The following RHEX variants were observed in gnomAD, a reference collection of about 807,000 sequenced individuals.
RHEX encodes regulator of hemoglobinization and erythroid cell expansion, also known as regulator of hemoglobinization and erythroid cell expansion protein.
RHEX carries 18 observed loss-of-function variants against 20.1 expected under a neutral mutation model. The observed-to-expected ratio is 0.90, with a 90% CI of 0.62 to 1.33. The LOEUF (loss-of-function observed/expected upper bound fraction) is 1.33, where lower values mean the gene tolerates loss of function less well. RHEX is among the 40% of genes most tolerant of loss of function. The probability of loss-of-function intolerance (pLI) is 0.00; values close to 1 mark genes in which losing one functional copy is unlikely to be tolerated. For missense variants in RHEX, 192 were observed against 214.3 expected (o/e 0.90, Z 0.65); for synonymous variants, 87 against 77.1 (o/e 1.13, Z -0.67).
In RHEX at chr1:206,082,011, A is replaced by C. The variant is rs184952212; in HGVS notation, c.-96-15722A>C. 1.6e-3 allele frequency among the ~76,000 whole-genome samples: 249 copies of C among 152,334 alleles called. 1 individual carries two copies. The highest frequency in any genetic ancestry group is 5.9e-3 in the African/African-American group (244 of 41,582). ...CCTAGAGCAGGTGGAGAGCCCAGTT[A>C]GGAAATCACTCCACATGGCTCCCAG... On this transcript the variant is annotated intron_variant, in intron 1 of 5. Coordinates refer to ENST00000331555, the MANE Select transcript of RHEX (RefSeq NM_001007544.4).
chr1:206,085,522 T>G (rs1174027738), intron 1 of RHEX, among the ~76,000 whole-genome samples: 1 of 152,242 alleles, frequency 6.6e-6, no homozygotes, highest in Admixed American at 6.5e-5. Flanking sequence ...TGATTTAGTC[T>G]TGGAACTAAG....
intron 1 of RHEX, among the ~76,000 whole-genome samples, chr1:206,064,420 C>T (rs1367790726): frequency 8.5e-6 from 1 of 118,324 alleles, no homozygotes; most frequent in Non-Finnish European, 1.7e-5. Flanking sequence ...GGCCAGCCGC[C>T]CCGTCCGGGA....
chr1:206,071,522 A>C (rs1662527741), intron 1 of RHEX, among the ~76,000 whole-genome samples: 1 of 150,260 alleles, frequency 6.7e-6, no homozygotes, highest in Non-Finnish European at 1.5e-5. Context: ...ATATTCTGTA[A>C]ACTATAAGAT....
intron 1 of RHEX, among the ~76,000 whole-genome samples, chr1:206,093,931 G>A (rs1292674152): frequency 4.6e-5 from 7 of 151,988 alleles, no homozygotes; most frequent in African/African-American, 9.7e-5. Flanking sequence ...CTTCCACCTC[G>A]CTCTCCCAAA....
At chr1:206,076,539 C>G (rs1662640816) in intron 1 of RHEX, among the ~76,000 whole-genome samples, 1 of 152,238 alleles carries the variant, frequency 6.6e-6, no homozygotes, top group African/African-American at 2.4e-5. Flanking sequence ...GGAAGTCGGA[C>G]TGGATGACAA....
At chr1:206,073,207 C>T (rs1419346199) in intron 1 of RHEX, among the ~76,000 whole-genome samples, 1 of 152,096 alleles carries the variant, frequency 6.6e-6, no homozygotes, top group Non-Finnish European at 1.5e-5. Flanking sequence ...GTGGGAGCAC[C>T]TCAGGGCTCT....
intron 1 of RHEX, among the ~76,000 whole-genome samples, chr1:206,074,532 C>G (rs1662595604): frequency 6.6e-6 from 1 of 152,190 alleles, no homozygotes; most frequent in Non-Finnish European, 1.5e-5. Flanking sequence ...ATTAAAAGTG[C>G]ACAGTTCCGT....
intron 1 of RHEX, among the ~76,000 whole-genome samples, chr1:206,064,189 C>T (rs1182267008): frequency 5.5e-5 from 8 of 144,390 alleles, no homozygotes; most frequent in Admixed American, 1.4e-4. Flanking sequence ...GGAGCCTCTC[C>T]GCCCGGCAGC....
chr1:206,092,284 C>G (rs1373282774), intron 1 of RHEX, among the ~76,000 whole-genome samples: 1 of 152,108 alleles, frequency 6.6e-6, no homozygotes, highest in Non-Finnish European at 1.5e-5. Context: ...TACTATGTGC[C>G]AAAAGTTCTA....
intron 1 of RHEX, among the ~76,000 whole-genome samples, chr1:206,059,190 G>T (rs1390233929): frequency 6.6e-6 from 1 of 152,078 alleles, no homozygotes; most frequent in Non-Finnish European, 1.5e-5. Flanking sequence ...GCTTCATCTT[G>T]CATGGTTCAT....
intron 1 of RHEX, among the ~76,000 whole-genome samples, chr1:206,095,231 C>T (rs2102327871): frequency 6.6e-6 from 1 of 152,232 alleles, no homozygotes; most frequent in South Asian, 2.1e-4. Flanking sequence ...GTGAACAAAT[C>T]ATGTCCCAGT....
chr1:206,097,600 A>G (rs1448096215), intron 1 of RHEX, 133 bp from the exon 2 acceptor site: 1 of 606,474 alleles, frequency 1.6e-6, no homozygotes, highest in Non-Finnish European at 2.9e-6. Context: ...ATCATGTAGG[A>G]AAGTGGGGAC....
At chr1:206,096,848 C>T (rs1001145314) in intron 1 of RHEX, among the ~76,000 whole-genome samples, 4 of 147,058 alleles carry the variant, frequency 2.7e-5, no homozygotes, top group African/African-American at 1.0e-4. Context: ...CATCTCACTT[C>T]ACTGAAGTCT....
At chr1:206,077,807 C>G (rs559695107) in intron 1 of RHEX, among the ~76,000 whole-genome samples, 2 of 152,298 alleles carry the variant, frequency 1.3e-5, no homozygotes, top group South Asian at 2.1e-4. Context: ...CTTAGTTACC[C>G]TGAACACATT....
In RHEX at chr1:206,097,754, G is replaced by A; in HGVS notation, c.-75G>A. On this transcript the variant is annotated 5_prime_UTR_variant, in exon 2 of 6. Transcript: ENST00000331555. ...GCAGATCTCCAGCACCCTGCCGGTG[G>A]CACTACTGAGAGACGAGGTGCCAGG... 1 of 1,613,728 alleles carries A rather than the reference G, an allele frequency of 6.2e-7. No homozygotes were observed. Among genetic ancestry groups the A allele is most frequent in the Non-Finnish European group, 8.5e-7 (1 of 1,179,688 alleles).
chr1:206,078,392 A>G (rs1339920823), intron 1 of RHEX, among the ~76,000 whole-genome samples: 1 of 151,972 alleles, frequency 6.6e-6, no homozygotes, highest in African/African-American at 2.4e-5. Flanking sequence ...ATTTTTTAAA[A>G]TGTTTTTAAA....
At chr1:206,064,999 A>G (rs1553284013) in intron 1 of RHEX, among the ~76,000 whole-genome samples, 2 of 152,218 alleles carry the variant, frequency 1.3e-5, no homozygotes, top group East Asian at 1.9e-4. Context: ...GCTCTCTGAA[A>G]CATGTGCTGT....
At chr1:206,074,275 A>G (rs565934015) in intron 1 of RHEX, among the ~76,000 whole-genome samples, 2 of 152,316 alleles carry the variant, frequency 1.3e-5, no homozygotes, top group African/African-American at 4.8e-5. Flanking sequence ...CTATGTTCCC[A>G]ATAGCATGAG....
At chr1:206,056,202 C>T (rs1553282609) in intron 1 of RHEX, among the ~76,000 whole-genome samples, 1 of 152,194 alleles carries the variant, frequency 6.6e-6, no homozygotes, top group African/African-American at 2.4e-5. Flanking sequence ...GCCTAACCAC[C>T]GAGACCATCC....
Sources: gnomAD v4.1 joint callset for allele counts (sites outside exome capture counted in the v4.1 genomes callset) on GRCh38, gnomAD v4.1.1 for gene constraint, MANE v1.5 for transcripts, NCBI Gene and HGNC (gene_info 2026-07-23, HGNC 2026-07-21) for gene names.